ZNF558: variants seen among roughly 807,000 people sequenced by gnomAD.
ZNF558 encodes zinc finger protein 558.
Under a neutral mutation model 37.6 loss-of-function variants are expected in ZNF558, and 23 were observed. The observed-to-expected ratio is 0.61, with a 90% CI of 0.44 to 0.87. The LOEUF (loss-of-function observed/expected upper bound fraction) is 0.87. Among genes scored for constraint, ZNF558 ranks in the 40% least tolerant of loss-of-function variants. The probability of loss-of-function intolerance (pLI) is 0.00; values close to 1 mark genes in which losing one functional copy is unlikely to be tolerated. For synonymous variants in ZNF558, 189 were observed against 174.4 expected (o/e 1.08, Z -0.66); for missense variants, 429 against 483.7 (o/e 0.89, Z 1.06).
chr19:8,833,115 A>G (rs1361875920), upstream of ZNF558: 1 of 152,280 alleles, frequency 6.6e-6, no homozygotes, highest in Admixed American at 6.6e-5. Context: ...AAAAGGGTGT[A>G]TGATGTGGGT....
At chr19:8,818,768 G>A (rs193210139) in intron 7 of ZNF558, among the ~76,000 whole-genome samples, 4 of 152,332 alleles carry the variant, frequency 2.6e-5, no homozygotes, top group African/African-American at 9.6e-5. Flanking sequence ...AGTGGCTCAT[G>A]CCTGTAATCC....
intron 8 of ZNF558, among the ~76,000 whole-genome samples, 172 bp downstream of exon 8, chr19:8,812,951 TAGAG>T (rs1555768861): frequency 2.0e-5 from 3 of 152,120 alleles, no homozygotes; most frequent in African/African-American, 7.2e-5. Flanking sequence ...ACAAGGGAGT[TAGAG>T]AGAAAAGAAA....
At chr19:8,825,664 A>G (rs941418410) in intron 2 of ZNF558, among the ~76,000 whole-genome samples, 2 of 152,134 alleles carry the variant, frequency 1.3e-5, no homozygotes, top group African/African-American at 4.8e-5. Context: ...CATGAACCCA[A>G]AAGATAAAAG....
In ZNF558 at chr19:8,812,607, G is replaced by T; in HGVS notation, c.380C>A (p.Pro127His). 1 of 1,603,976 alleles carries T rather than the reference G, an allele frequency of 6.2e-7. No homozygotes were observed. Among genetic ancestry groups the T allele is most frequent in the Non-Finnish European group, 8.5e-7 (1 of 1,177,498 alleles). ...TTCTTTTCTGAAAACATTCTTCTTA[G>T]GAGTTAACCATTTGGCTTTAAGTAG... Reference protein sequence around the residue: ...ETLLKAKWLTPKKNVFRKEQS... With the variant: ...ETLLKAKWLTHKKNVFRKEQS... The change falls in exon 9 of 10, where the codon CCT becomes CAT. Residue 127 changes from proline to histidine, a missense_variant. Pro to His is a moderately conservative substitution (Grantham distance 77, BLOSUM62 -2). Coordinates refer to ENST00000601372, the MANE Select transcript of ZNF558 (RefSeq NM_144693.3).
At chr19:8,834,400 G>A (rs1383155373), upstream of ZNF558, among the ~76,000 whole-genome samples, 2 of 151,770 alleles carry the variant, frequency 1.3e-5, no homozygotes, top group African/African-American at 4.8e-5. Context: ...ACGAGGTCAA[G>A]ATATCGAGAC....
intron 7 of ZNF558, among the ~76,000 whole-genome samples, chr19:8,820,923 G>A (rs1211180916): frequency 6.6e-6 from 1 of 152,182 alleles, no homozygotes; most frequent in Non-Finnish European, 1.5e-5. Flanking sequence ...GCAGTGGGTA[G>A]GGAAAGTAAC....
chr19:8,834,523 G>A (rs1274378110), upstream of ZNF558, among the ~76,000 whole-genome samples: 1 of 150,382 alleles, frequency 6.6e-6, no homozygotes, highest in Non-Finnish European at 1.5e-5. Flanking sequence ...CAGAAGAATC[G>A]TTTGAACCCA....
At chr19:8,819,016 C>T (rs1307912235) in intron 7 of ZNF558, among the ~76,000 whole-genome samples, 1 of 152,160 alleles carries the variant, frequency 6.6e-6, no homozygotes, top group Non-Finnish European at 1.5e-5. Flanking sequence ...GCAAAATTCA[C>T]TCAAAATCTA....
At chr19:8,837,378 A>G in the ZNF558 span, among the ~76,000 whole-genome samples, 2 of 152,308 alleles carry the variant, frequency 1.3e-5, no homozygotes, top group African/African-American at 4.8e-5. Context: ...TAAAACAACA[A>G]TGTCAATGTA....
upstream of ZNF558, among the ~76,000 whole-genome samples, chr19:8,837,073 G>T (rs2044463456): frequency 6.6e-6 from 1 of 152,156 alleles, no homozygotes; most frequent in South Asian, 2.1e-4. Flanking sequence ...CTCAAGTAAT[G>T]CAAAACATTT....
chr19:8,812,012 C>G lies in ZNF558; in HGVS notation c.478G>C (p.Val160Leu). 6.2e-7 allele frequency: 1 copy of G among 1,611,206 alleles called. No homozygotes were observed. The highest frequency in any genetic ancestry group is 1.1e-5 in the South Asian group (1 of 90,656). ...GTTAGGTTAGATTTCGTGCTGAAGA[C>G]TTTAAAACACTGATTACATTCATTG... is the stretch of plus-strand genomic sequence containing the variant. The part of the protein sequence containing the change: ...KLNECNQCFK[V>L]FSTKSNLTQH... Residue 160 changes from valine to leucine, a missense_variant, in exon 10 of 10, where the codon GTC becomes CTC. Coordinates refer to ENST00000601372, the MANE Select transcript of ZNF558 (RefSeq NM_144693.3).
At chr19:8,817,162 C>T (rs964941301) in intron 7 of ZNF558, among the ~76,000 whole-genome samples, 1 of 152,092 alleles carries the variant, frequency 6.6e-6, no homozygotes, top group African/African-American at 2.4e-5. Context: ...AGTAAATAGG[C>T]AGAAGTAGCT....
the ZNF558 span, among the ~76,000 whole-genome samples, chr19:8,837,457 C>T: frequency 9.9e-5 from 15 of 152,262 alleles, no homozygotes; most frequent in African/African-American, 2.6e-4. Flanking sequence ...AGAATGAAGT[C>T]GGCAGTGTGT....
chr19:8,819,246 T>A (rs1286997755), intron 7 of ZNF558, among the ~76,000 whole-genome samples: 5 of 152,206 alleles, frequency 3.3e-5, no homozygotes, highest in African/African-American at 1.2e-4. Flanking sequence ...ATATAGTGGA[T>A]CTCGGCTCAC....
At chr19:8,817,991 A>AT (rs1163182683) in intron 7 of ZNF558, among the ~76,000 whole-genome samples, 1 of 152,218 alleles carries the variant, frequency 6.6e-6, no homozygotes, top group African/African-American at 2.4e-5. Flanking sequence ...GACCTAACAA[A>AT]TATATAAAGA....
chr19:8,816,872 T>G (rs923242602), intron 7 of ZNF558, among the ~76,000 whole-genome samples: 6 of 152,206 alleles, frequency 3.9e-5, no homozygotes, highest in Non-Finnish European at 7.3e-5. Context: ...TGCATACAGA[T>G]GCAATTTGTG....
chr19:8,832,518 C>G (rs1015293976), upstream of ZNF558: 2 of 152,228 alleles, frequency 1.3e-5, no homozygotes, highest in African/African-American at 4.9e-5. Context: ...GGGGCAGTAG[C>G]GGGGGTAAGG....
chr19:8,836,415 CTTCT>C (rs1422027789), upstream of ZNF558, among the ~76,000 whole-genome samples: 4 of 151,386 alleles, frequency 2.6e-5, no homozygotes, highest in Non-Finnish European at 4.4e-5. Context: ...CCTCCTCCTT[CTTCT>C]TTCTTCTTTC....
chr19:8,820,587 T>C (rs1406492528), intron 7 of ZNF558, among the ~76,000 whole-genome samples: 1 of 146,626 alleles, frequency 6.8e-6, no homozygotes, highest in Admixed American at 7.0e-5. Flanking sequence ...GTTCAAGCGA[T>C]TCTCCTGCCT....
Sources: gnomAD v4.1 joint callset for allele counts (sites outside exome capture counted in the v4.1 genomes callset) on GRCh38, gnomAD v4.1.1 for gene constraint, MANE v1.5 for transcripts, NCBI Gene and HGNC (gene_info 2026-07-23, HGNC 2026-07-21) for gene names.